NAA35: variants seen among roughly 807,000 people sequenced by gnomAD.
NAA35 encodes the protein MAK10 homolog, amino-acid N-acetyltransferase subunit.
In NAA35, 18 loss-of-function variants were observed where a neutral mutation model predicts 101.7. The observed-to-expected ratio is 0.18, with a 90% CI of 0.12 to 0.26. NAA35 has a LOEUF of 0.26. Ranked by LOEUF, NAA35 falls within the 10% of genes least tolerant of loss-of-function variation. The pLI is 1.00. For synonymous variants in NAA35, 267 were observed against 273.1 expected, an observed-to-expected ratio of 0.98 and a Z score of 0.22; for missense variants, 601 against 886.8, an observed-to-expected ratio of 0.68 and a Z score of 4.09.
Position 86,013,784 on chromosome 9 carries a change from G to A in NAA35, c.1455G>A (p.Leu485=). ...LLKQEPQRQH[L]ACLGTWVLYH... ...AACAGGAACCCCAAAGGCAACATTT[G>A]GCCTGTTTAGGTACCTGGGTCCTTT... Residue 485 remains leucine (L), a synonymous_variant, in exon 17 of 23, where the codon TTG becomes TTA. Transcript: ENST00000361671. The A allele has an allele frequency of 6.2e-7, 1 of 1,614,056 alleles. No homozygotes were observed. The highest frequency in any genetic ancestry group is 1.1e-5 in the South Asian group (1 of 91,072).
At chr9:85,962,510 G>GAAAGAAA (rs1433864234) in intron 6 of NAA35, among the ~76,000 whole-genome samples, 1 of 83,496 alleles carries the variant, frequency 1.2e-5, no homozygotes, top group South Asian at 3.5e-4. Context: ...AAAAAAAAAA[G>GAAAGAAA]AAAGAAAAAA....
rs11141169 is a variant in NAA35 at position 85,984,815 on chromosome 9, A to G, written c.877+6434A>G. The stretch of plus-strand genomic sequence containing the variant: ...AAGATGCTAAGACAACTGGATATCC[A>G]CATGCCGGAGGATAAAGTTGGATAC... On this transcript the variant is annotated intron_variant, in intron 11 of 22. Transcript: ENST00000361671. Among the ~76,000 whole-genome samples, 605 of 152,324 alleles carry G rather than the reference A, an allele frequency of 4.0e-3. 5 individuals carry two copies. Among genetic ancestry groups the G allele is most frequent in the African/African-American group, 0.014 (572 of 41,572 alleles).
At chr9:86,013,642 C>G in intron 16 of NAA35, 77 bp from the exon 17 acceptor site, 3 of 1,328,348 alleles carry the variant, frequency 2.3e-6, no homozygotes, top group Middle Eastern at 1.9e-4. Context: ...TTCTTTTTAG[C>G]TGTACGTTTT....
At chr9:85,963,904 A>C (rs1000406011) in intron 6 of NAA35, among the ~76,000 whole-genome samples, 3 of 152,226 alleles carry the variant, frequency 2.0e-5, no homozygotes, top group Non-Finnish European at 2.9e-5. Flanking sequence ...AAATTACTTA[A>C]AAATCAGGAG....
chr9:85,952,287 TG>T (rs1354650135), intron 2 of NAA35, among the ~76,000 whole-genome samples: 1 of 150,138 alleles, frequency 6.7e-6, no homozygotes, highest in African/African-American at 2.5e-5. Context: ...AAGTGTTTTT[TG>T]TTTTTTTTTT....
rs1248838721 is a variant in NAA35 at position 86,022,755 on chromosome 9, A to G, written c.*795A>G. Among the ~76,000 whole-genome samples, 1 of 152,174 alleles carries G rather than the reference A, an allele frequency of 6.6e-6. No homozygotes were observed. The highest frequency in any genetic ancestry group is 2.4e-5 in the African/African-American group (1 of 41,456). On this transcript the variant is annotated 3_prime_UTR_variant, in exon 23 of 23. Transcript: ENST00000361671. Reference sequence around the variant, plus strand: ...GTCTGTTCAGTATCCTCTGGCTTTGAAAAACTGACTACATCCCCCTGTGCT... The same window carrying G: ...GTCTGTTCAGTATCCTCTGGCTTTGGAAAACTGACTACATCCCCCTGTGCT...
intron 6 of NAA35, among the ~76,000 whole-genome samples, chr9:85,963,518 C>G (rs1829615590): frequency 6.6e-6 from 1 of 152,000 alleles, no homozygotes; most frequent in African/African-American, 2.4e-5. Flanking sequence ...ATCCACCTGC[C>G]TCAGCCTCCC....
At chr9:85,958,971 T>C (rs1000259771) in intron 4 of NAA35, among the ~76,000 whole-genome samples, 1 of 152,200 alleles carries the variant, frequency 6.6e-6, no homozygotes, top group Non-Finnish European at 1.5e-5. Context: ...ATACTTGCCA[T>C]AGAGTTTGAT....
rs775531194 is a variant in NAA35 at position 86,017,466 on chromosome 9, A to G, written c.1706-32A>G. Reference sequence around the variant, plus strand: ...ATGCAAGAGGGAGGAGGAAAAGATTATGGAAGATTACGTTTTTCTTTCTAA... The same window carrying G: ...ATGCAAGAGGGAGGAGGAAAAGATTGTGGAAGATTACGTTTTTCTTTCTAA... On this transcript the variant is annotated intron_variant, in intron 18 of 22. Coordinates refer to ENST00000361671, the MANE Select transcript of NAA35 (RefSeq NM_024635.4). The G allele has an allele frequency of 6.2e-6, 10 of 1,602,654 alleles. 1 individual carries two copies. The South Asian group carries it at 1.0e-4, about 16-fold the overall frequency.
intron 11 of NAA35, among the ~76,000 whole-genome samples, chr9:85,993,042 A>T (rs1453965703): frequency 2.0e-5 from 3 of 152,348 alleles, no homozygotes; most frequent in South Asian, 2.1e-4. Context: ...TACACAATGG[A>T]TATTATAATG....
rs753082805 is a variant in NAA35, at chr9:86,017,506, T to C, written c.1714T>C (p.Leu572=). 1 of 1,613,738 alleles carries C rather than the reference T, an allele frequency of 6.2e-7. No individual in the cohort carries two copies. Among genetic ancestry groups the C allele is most frequent in the Non-Finnish European group, 8.5e-7 (1 of 1,179,746 alleles). ...KTKKKKKVRP[L]SREITMSQAY... Reference sequence around the variant, plus strand: ...TTTCTTTCTAATTACAGTTCGCCCATTGAGCCGAGAGATCACAATGAGCCA... The same window carrying C: ...TTTCTTTCTAATTACAGTTCGCCCACTGAGCCGAGAGATCACAATGAGCCA... The change falls in exon 19 of 23, where the codon TTG becomes CTG. Residue 572 remains leucine, a synonymous_variant. Coordinates refer to ENST00000361671, the MANE Select transcript of NAA35 (RefSeq NM_024635.4).
intron 13 of NAA35, among the ~76,000 whole-genome samples, chr9:86,005,631 TA>T (rs1229170188): frequency 2.0e-5 from 3 of 152,190 alleles, no homozygotes; most frequent in Non-Finnish European, 4.4e-5. Flanking sequence ...TTAGTGAGAT[TA>T]TAGGATATGA....
intron 2 of NAA35, among the ~76,000 whole-genome samples, chr9:85,951,120 A>G: frequency 6.6e-6 from 1 of 151,658 alleles, no homozygotes; most frequent in East Asian, 1.9e-4. Context: ...CCGGGGCGAC[A>G]GAGTGAGACT....
intron 8 of NAA35, among the ~76,000 whole-genome samples, chr9:85,975,597 A>G (rs747552271): frequency 8.5e-5 from 13 of 152,124 alleles, no homozygotes; most frequent in Non-Finnish European, 1.5e-4. Context: ...TAAAATTTGA[A>G]TTTTTTAATG....
At chr9:85,951,193 A>C (rs1385459406) in intron 2 of NAA35, among the ~76,000 whole-genome samples, 2 of 152,210 alleles carry the variant, frequency 1.3e-5, no homozygotes, top group Non-Finnish European at 2.9e-5. Context: ...CATTTTTAAA[A>C]ATGAGAAATC....
At chr9:85,978,636 TAC>T (rs1444593233) in intron 11 of NAA35, among the ~76,000 whole-genome samples, 5 of 152,124 alleles carry the variant, frequency 3.3e-5, no homozygotes, top group African/African-American at 1.2e-4. Flanking sequence ...GCTGTGATGT[TAC>T]AGTCTGGCAG....
At chr9:85,990,743 G>T (rs1057405201) in intron 11 of NAA35, among the ~76,000 whole-genome samples, 21 of 152,246 alleles carry the variant, frequency 1.4e-4, no homozygotes, top group Non-Finnish European at 8.8e-5. Flanking sequence ...AGACTTTGGA[G>T]CCTGCCTTAG....
chr9:85,942,986 T>C (rs1475806564), intron 2 of NAA35, among the ~76,000 whole-genome samples: 4 of 152,156 alleles, frequency 2.6e-5, no homozygotes, highest in Non-Finnish European at 5.9e-5. Context: ...TTCATACAGC[T>C]TATCTTTTTC....
intron 2 of NAA35, among the ~76,000 whole-genome samples, chr9:85,950,356 A>G (rs1285311671): frequency 6.6e-6 from 1 of 152,124 alleles, no homozygotes; most frequent in African/African-American, 2.4e-5. Context: ...AGCAACTCTC[A>G]TGTCTCAGCC....
Sources: gnomAD v4.1 joint callset for allele counts (sites outside exome capture counted in the v4.1 genomes callset) on GRCh38, gnomAD v4.1.1 for gene constraint, MANE v1.5 for transcripts, NCBI Gene and HGNC (gene_info 2026-07-23, HGNC 2026-07-21) for gene names.